ANKS1B: variants seen among roughly 807,000 people sequenced by gnomAD.
The protein encoded by ANKS1B is ankyrin repeat and sterile alpha motif domain-containing protein 1B.
A neutral mutation model predicts 148.3 loss-of-function variants in ANKS1B; 36 were observed. The ratio of observed to expected loss-of-function variants is 0.24; its 90% confidence interval spans 0.19 to 0.32. The LOEUF is 0.32. Among genes scored for constraint, ANKS1B ranks in the 10% least tolerant of loss-of-function variants. The pLI, the probability that ANKS1B is intolerant of heterozygous loss-of-function variation, is 1.00. For synonymous variants in ANKS1B, 542 were observed against 560.8 expected, an observed-to-expected ratio of 0.97 and a Z score of 0.47; for missense variants, 1,157 against 1,542.6, an observed-to-expected ratio of 0.75 and a Z score of 4.19.
At position 99,632,727 on chromosome 12, in the gene ANKS1B, CTA is replaced by C. The variant is rs3081654; in HGVS notation, c.1272+22338_1272+22339del. Among the ~76,000 whole-genome samples the C allele has an allele frequency of 5.2e-3, 202 of 39,020 alleles. 3 individuals carry two copies. The highest frequency in any genetic ancestry group is 0.015 in the East Asian group (15 of 980). The allele number at this position is 39,020 out of a possible 152,430, so 25.6% of individuals were successfully genotyped here. A position where few individuals can be genotyped will look rare whatever the true frequency, so the allele number is the denominator to read the frequency against. ...TTTGGCCTGTGTCTTCCTTTTCTTT[CTA>C]TATATATATATATATATATATATAT... On this transcript the variant is annotated intron_variant, in intron 9 of 26. Transcript: ENST00000683438.
chr12:99,417,455 T>C (rs1010951757), intron 11 of ANKS1B, among the ~76,000 whole-genome samples: 1 of 152,228 alleles, frequency 6.6e-6, no homozygotes, highest in Admixed American at 6.5e-5. Context: ...ACTGTAGCTA[T>C]AAAATAAATC....
intron 14 of ANKS1B, among the ~76,000 whole-genome samples, chr12:99,218,767 G>A (rs545851244): frequency 1.3e-5 from 2 of 152,208 alleles, no homozygotes; most frequent in South Asian, 4.1e-4. Context: ...TATTCATGAG[G>A]ATTACATGAA....
chr12:99,240,819 G>C (rs1025255669), intron 14 of ANKS1B, among the ~76,000 whole-genome samples: 1 of 152,070 alleles, frequency 6.6e-6, no homozygotes, highest in African/African-American at 2.4e-5. Context: ...ACAAAATGAA[G>C]GCAGAAATAA....
chr12:99,947,255 C>CAAAAAAAAAAAAAAAAAAAAAA, intron 1 of ANKS1B, among the ~76,000 whole-genome samples: 1 of 129,060 alleles, frequency 7.7e-6, no homozygotes, highest in Non-Finnish European at 1.6e-5. Flanking sequence ...TAAAGTAATA[C>CAAAAAAAAAAAAAAAAAAAAAA]AAAAAAAAAA....
At chr12:99,878,551 C>T (rs2092286261) in intron 1 of ANKS1B, among the ~76,000 whole-genome samples, 1 of 152,040 alleles carries the variant, frequency 6.6e-6, no homozygotes, top group African/African-American at 2.4e-5. Context: ...TAGTTTTATC[C>T]TTTTTGTTTT....
At chr12:99,663,419 T>G (rs574913166) in intron 8 of ANKS1B, among the ~76,000 whole-genome samples, 1 of 151,928 alleles carries the variant, frequency 6.6e-6, no homozygotes, top group African/African-American at 2.4e-5. Flanking sequence ...TGTTCAAAAT[T>G]TTCTGAAAAT....
chr12:99,798,493 G>T (rs1310455604), intron 4 of ANKS1B, among the ~76,000 whole-genome samples: 1 of 151,098 alleles, frequency 6.6e-6, no homozygotes, highest in African/African-American at 2.4e-5. Context: ...TATGATGTCT[G>T]AACAAGTTGG....
intron 15 of ANKS1B, among the ~76,000 whole-genome samples, chr12:99,086,044 C>T (rs929243830): frequency 6.6e-6 from 1 of 152,114 alleles, no homozygotes; most frequent in Non-Finnish European, 1.5e-5. Context: ...ATGCCAGACA[C>T]CAGATCACGA....
At chr12:99,433,542 G>A (rs990568779) in intron 11 of ANKS1B, among the ~76,000 whole-genome samples, 3 of 152,128 alleles carry the variant, frequency 2.0e-5, no homozygotes, top group African/African-American at 7.2e-5. Context: ...TTGATGGAAT[G>A]GATCTGAGGT....
At chr12:99,719,656 T>G (rs929068210) in intron 8 of ANKS1B, among the ~76,000 whole-genome samples, 43 of 152,212 alleles carry the variant, frequency 2.8e-4, no homozygotes, top group Admixed American at 1.8e-3. Context: ...ATATTTATAC[T>G]GACTCTAAAT....
chr12:99,885,814 C>T (rs148982071), intron 1 of ANKS1B, among the ~76,000 whole-genome samples: 74 of 152,232 alleles, frequency 4.9e-4, no homozygotes, highest in African/African-American at 1.7e-3. Flanking sequence ...CCTTTGCACG[C>T]CCATAGCTTA....
At chr12:98,764,490 A>C (rs979922184) in intron 25 of ANKS1B, among the ~76,000 whole-genome samples, 8 of 152,102 alleles carry the variant, frequency 5.3e-5, no homozygotes, top group African/African-American at 1.9e-4. Context: ...AGCCTCCTAA[A>C]GTGCTGGGAT....
chr12:99,510,509 G>C (rs73147352), intron 9 of ANKS1B, among the ~76,000 whole-genome samples: 1 of 151,918 alleles, frequency 6.6e-6, no homozygotes, highest in Non-Finnish European at 1.5e-5. Context: ...TAAATAGCAA[G>C]AGAACTGGAA....
chr12:98,761,892 A>G (rs2098413116), intron 25 of ANKS1B, among the ~76,000 whole-genome samples: 2 of 152,138 alleles, frequency 1.3e-5, no homozygotes, highest in Non-Finnish European at 1.5e-5. Flanking sequence ...TTCTGAGTGG[A>G]CCATTTTGAC....
At chr12:98,912,439 C>T (rs1455719796) in intron 17 of ANKS1B, among the ~76,000 whole-genome samples, 1 of 152,134 alleles carries the variant, frequency 6.6e-6, no homozygotes, top group Non-Finnish European at 1.5e-5. Flanking sequence ...ACTTTTTCCC[C>T]CTTAAGTCTT....
intron 14 of ANKS1B, among the ~76,000 whole-genome samples, chr12:99,161,617 T>C (rs1363463675): frequency 1.3e-5 from 2 of 152,092 alleles, no homozygotes; most frequent in Non-Finnish European, 2.9e-5. Context: ...AGTAGGGAAA[T>C]AAGCTAAATG....
chr12:98,782,277 C>T (rs920639905), intron 22 of ANKS1B, 140 bp from the exon 23 acceptor site: 19 of 716,218 alleles, frequency 2.7e-5, no homozygotes, highest in Non-Finnish European at 4.3e-5. Flanking sequence ...AAAGAACAGG[C>T]TTCAGAGTCA....
chr12:99,864,162 G>T (rs2090431230), intron 1 of ANKS1B, among the ~76,000 whole-genome samples: 1 of 150,882 alleles, frequency 6.6e-6, no homozygotes, highest in African/African-American at 2.4e-5. Context: ...GATTACCCAG[G>T]CCTCTCACTT....
At chr12:99,495,341 A>G (rs2096593546) in intron 10 of ANKS1B, among the ~76,000 whole-genome samples, 1 of 106,964 alleles carries the variant, frequency 9.3e-6, no homozygotes, top group African/African-American at 4.1e-5. Flanking sequence ...AGGGGAGAAA[A>G]AGTGTGTGTG....
Sources: allele counts gnomAD v4.1 joint callset (sites outside exome capture counted in the v4.1 genomes callset), GRCh38; gene constraint gnomAD v4.1.1; transcripts MANE v1.5; gene names NCBI Gene and HGNC (gene_info 2026-07-23, HGNC 2026-07-21).